FRAS1: variants seen among roughly 807,000 people sequenced by gnomAD.
FRAS1 encodes the protein extracellular matrix organizing protein FRAS1.
Under a neutral mutation model 435.2 loss-of-function variants are expected in FRAS1, and 290 were observed. The ratio of observed to expected loss-of-function variants is 0.67; its 90% CI spans 0.61 to 0.73. FRAS1 has a LOEUF of 0.73. Ranked by LOEUF, FRAS1 falls within the 30% of genes least tolerant of loss-of-function variation. The pLI is 0.00. For missense variants in FRAS1, 4,860 were observed against 5,001.5 expected, an observed-to-expected ratio of 0.97 and a Z score of 0.85; for synonymous variants, 1,800 against 1,851.0, an observed-to-expected ratio of 0.97 and a Z score of 0.71.
At chr4:78,441,020 T>C (rs1734636286) in intron 40 of FRAS1, 142 bp from the exon 41 acceptor site, 3 of 698,092 alleles carry the variant, frequency 4.3e-6, no homozygotes, top group Non-Finnish European at 7.2e-6. Flanking sequence ...ACATTCCTCA[T>C]CTCGTCTGTA....
At chr4:78,143,533 T>C (rs1720277849) in intron 2 of FRAS1, among the ~76,000 whole-genome samples, 1 of 152,168 alleles carries the variant, frequency 6.6e-6, no homozygotes. Context: ...ACACATTTCT[T>C]TCAAGTGCAT....
At chr4:78,363,469 T>C in intron 20 of FRAS1, 44 bp from the exon 21 acceptor site, 3 of 1,565,970 alleles carry the variant, frequency 1.9e-6, no homozygotes, top group African/African-American at 1.3e-5. Context: ...GACTTTGTGC[T>C]CATGAGCACC....
intron 32 of FRAS1, among the ~76,000 whole-genome samples, chr4:78,413,968 A>G (rs908008071): frequency 2.0e-5 from 3 of 152,182 alleles, no homozygotes; most frequent in Non-Finnish European, 2.9e-5. Context: ...TAAATTAATC[A>G]TCATGGGTCC....
intron 2 of FRAS1, among the ~76,000 whole-genome samples, chr4:78,226,629 A>G (rs1030612384): frequency 1.1e-4 from 16 of 151,444 alleles, no homozygotes; most frequent in Admixed American, 1.1e-3. Context: ...TTTGCTGTTC[A>G]TTTTTAGCAG....
chr4:78,345,651 T>C (rs1730577946), intron 20 of FRAS1, among the ~76,000 whole-genome samples: 1 of 152,232 alleles, frequency 6.6e-6, no homozygotes, highest in East Asian at 1.9e-4. Context: ...TGTCACCCTA[T>C]CTCTTATTGC....
intron 65 of FRAS1, 30 bp downstream of exon 65, chr4:78,513,582 TC>T: frequency 6.3e-7 from 1 of 1,599,466 alleles, no homozygotes; most frequent in Non-Finnish European, 8.6e-7. Context: ...GACTGGTCTT[TC>T]CATGCTAGCC....
chr4:78,131,432 TAG>T (rs1225883438), intron 2 of FRAS1, among the ~76,000 whole-genome samples: 1 of 152,224 alleles, frequency 6.6e-6, no homozygotes, highest in Non-Finnish European at 1.5e-5. Flanking sequence ...CCCATAACTA[TAG>T]AGTTATACTA....
chr4:78,214,057 G>C (rs1381730690), intron 2 of FRAS1, among the ~76,000 whole-genome samples: 2 of 152,200 alleles, frequency 1.3e-5, no homozygotes, highest in Non-Finnish European at 2.9e-5. Context: ...GTTGGTTCTG[G>C]GGAATTTGGT....
chr4:78,106,076 A>G, intron 2 of FRAS1, among the ~76,000 whole-genome samples: 1 of 126,532 alleles, frequency 7.9e-6, no homozygotes, highest in Non-Finnish European at 1.7e-5. Flanking sequence ...ACTATATCCC[A>G]CACCTGGCTC....
chr4:78,518,422 G>GTATATATATA lies in FRAS1; in HGVS notation c.10390-887_10390-878dup, dbSNP rs71216219. On this transcript the variant is annotated intron_variant, in intron 66 of 73. Coordinates refer to ENST00000512123, the MANE Select transcript of FRAS1 (RefSeq NM_025074.7). ...GTTTTAAGCTAAGTTTTTTTGTTGTGTATATATATATATATATATATATAT... is the reference window on the plus strand; with the variant it reads ...GTTTTAAGCTAAGTTTTTTTGTTGTGTATATATATATATATATATATATATATATATATAT... 7.5e-4 allele frequency among the ~76,000 whole-genome samples: 102 copies of GTATATATATA among 135,704 alleles called. 1 individual carries two copies. The highest frequency in any genetic ancestry group is 3.0e-3 in the African/African-American group (99 of 33,038). The allele number at this position is 135,704 out of a possible 152,430, so 89.0% of individuals were successfully genotyped here.
In FRAS1 at chr4:78,239,309, A is replaced by G. The variant is rs961994810; in HGVS notation, c.216+1692A>G. Among the ~76,000 whole-genome samples the G allele has an allele frequency of 5.3e-5, 8 of 152,212 alleles. No homozygotes were observed. The South Asian group carries it at 1.7e-3, about 32-fold the overall frequency. ...CTCCCCACTTTCTCCCACATCCCATATCTAGTACATTAACAACCCCCTCCC... is the reference window on the plus strand; with the variant it reads ...CTCCCCACTTTCTCCCACATCCCATGTCTAGTACATTAACAACCCCCTCCC... On this transcript the variant is annotated intron_variant, in intron 3 of 73. Coordinates refer to ENST00000512123, the MANE Select transcript of FRAS1 (RefSeq NM_025074.7).
intron 2 of FRAS1, among the ~76,000 whole-genome samples, chr4:78,100,129 TA>T (rs1470052059): frequency 2.0e-5 from 3 of 152,210 alleles, no homozygotes; most frequent in Non-Finnish European, 4.4e-5. Flanking sequence ...GCCTAGAACT[TA>T]AAATTGGAAA....
At chr4:78,174,526 G>T (rs1372659954) in intron 2 of FRAS1, among the ~76,000 whole-genome samples, 1 of 152,160 alleles carries the variant, frequency 6.6e-6, no homozygotes, top group East Asian at 1.9e-4. Context: ...ATCTACCTGG[G>T]ATATAACCAG....
At chr4:78,081,066 A>T (rs969423897) in intron 2 of FRAS1, among the ~76,000 whole-genome samples, 2 of 152,196 alleles carry the variant, frequency 1.3e-5, no homozygotes, top group African/African-American at 2.4e-5. Flanking sequence ...AAGAGCTTCA[A>T]CGCTGAAAAC....
At chr4:78,119,498 C>G (rs946538370) in intron 2 of FRAS1, among the ~76,000 whole-genome samples, 1 of 152,118 alleles carries the variant, frequency 6.6e-6, no homozygotes, top group Non-Finnish European at 1.5e-5. Context: ...ATCTATTTTT[C>G]TGTGAATGAC....
intron 2 of FRAS1, among the ~76,000 whole-genome samples, chr4:78,197,020 A>C (rs1305672852): frequency 6.6e-6 from 1 of 152,242 alleles, no homozygotes; most frequent in Non-Finnish European, 1.5e-5. Context: ...AATATGGGTG[A>C]GATTACAGGG....
chr4:78,158,836 C>T (rs944980521), intron 2 of FRAS1, among the ~76,000 whole-genome samples: 3 of 152,256 alleles, frequency 2.0e-5, no homozygotes, highest in African/African-American at 4.8e-5. Flanking sequence ...ATGCCGCTGC[C>T]GTTCCGTCTT....
intron 71 of FRAS1, among the ~76,000 whole-genome samples, chr4:78,535,514 T>G (rs77845798): frequency 2.0e-5 from 3 of 152,094 alleles, no homozygotes; most frequent in African/African-American, 7.2e-5. Context: ...GCTACCCTGC[T>G]GACTGCGTCA....
intron 59 of FRAS1, among the ~76,000 whole-genome samples, chr4:78,492,849 C>T (rs1458620273): frequency 6.6e-6 from 1 of 152,176 alleles, no homozygotes; most frequent in Non-Finnish European, 1.5e-5. Context: ...GCAAAAGAAA[C>T]TATCATCAGA....
Sources: gnomAD v4.1 joint callset for allele counts (sites outside exome capture counted in the v4.1 genomes callset) on GRCh38, gnomAD v4.1.1 for gene constraint, MANE v1.5 for transcripts, NCBI Gene and HGNC (gene_info 2026-07-23, HGNC 2026-07-21) for gene names.